IL1RAPL1: variants seen among roughly 807,000 people sequenced by gnomAD.
IL1RAPL1 encodes the protein interleukin-1 receptor accessory protein-like 1.
A neutral mutation model predicts 48.4 loss-of-function variants in IL1RAPL1; 3 were observed. That is an observed-to-expected ratio of 0.06 (90% CI 0.03 to 0.16). The LOEUF (loss-of-function observed/expected upper bound fraction) is 0.16. IL1RAPL1 is among the 10% of genes least tolerant of loss of function. The pLI, the probability that IL1RAPL1 is intolerant of heterozygous loss-of-function variation, is 1.00. For synonymous variants in IL1RAPL1, 185 were observed against 187.7 expected (o/e 0.99, Z 0.12); for missense variants, 349 against 530.6 (o/e 0.66, Z 3.36).
At chrX:29,918,505 CAAA>C (rs1186602092) in intron 7 of IL1RAPL1, among the ~76,000 whole-genome samples, 5 of 38,101 alleles carry the variant, frequency 1.3e-4, no homozygotes, top group Admixed American at 3.4e-4. Context: ...AACTCTGTCT[CAAA>C]AAAAAAAAAA....
intron 2 of IL1RAPL1, among the ~76,000 whole-genome samples, chrX:29,022,666 T>TA (rs1299849776): frequency 1.3e-4 from 15 of 111,691 alleles, no homozygotes; most frequent in African/African-American, 4.9e-4. Context: ...CATTAAAAAA[T>TA]AAAATATTTC....
chrX:28,895,597 A>C (rs1436719334), intron 2 of IL1RAPL1, among the ~76,000 whole-genome samples: 1 of 110,850 alleles, frequency 9.0e-6, no homozygotes, highest in Non-Finnish European at 1.9e-5. Context: ...GGGGATAACT[A>C]AAAAAGAGTG....
intron 1 of IL1RAPL1, among the ~76,000 whole-genome samples, chrX:28,666,845 C>T (rs939040916): frequency 9.0e-6 from 1 of 111,513 alleles, no homozygotes; most frequent in African/African-American, 3.3e-5. Flanking sequence ...TTTGTGACTT[C>T]CTTCAGTCAT....
At chrX:29,612,667 G>A (rs148738698) in intron 5 of IL1RAPL1, among the ~76,000 whole-genome samples, 8,111 of 111,317 alleles carry the variant, frequency 0.073, 271 homozygotes, top group Middle Eastern at 0.18. Flanking sequence ...AGTTTTTAGT[G>A]TGTTTCTGAG....
intron 6 of IL1RAPL1, among the ~76,000 whole-genome samples, chrX:29,841,667 G>A (rs1931138712): frequency 9.0e-6 from 1 of 111,258 alleles, no homozygotes; most frequent in Non-Finnish European, 1.9e-5. Context: ...ACTGTAATAC[G>A]GTATGTAAGA....
At chrX:29,114,669 C>A (rs970433661) in intron 2 of IL1RAPL1, among the ~76,000 whole-genome samples, 9 of 110,936 alleles carry the variant, frequency 8.1e-5, no homozygotes, top group African/African-American at 3.0e-4. Context: ...CTCTTGTTGG[C>A]CAGGCTGGAG....
rs184683680 is a variant in IL1RAPL1, at chrX:28,990,080, C to T, written c.82+200655C>T. On this transcript the variant is annotated intron_variant, in intron 2 of 10. Transcript: ENST00000378993. ...TGTGCAGAACTTACACTATAGTAAC[C>T]AAGCAAAAATCTCAAAGGGTATTCT... Among the ~76,000 whole-genome samples, 125 of 110,706 alleles carry T rather than the reference C, an allele frequency of 1.1e-3. 2 individuals are homozygous for T. Among genetic ancestry groups the T allele is most frequent in the African/African-American group, 3.9e-3 (119 of 30,470 alleles).
chrX:28,677,030 T>C (rs1444645055), intron 1 of IL1RAPL1, among the ~76,000 whole-genome samples: 1 of 111,748 alleles, frequency 8.9e-6, no homozygotes, highest in Non-Finnish European at 1.9e-5. Context: ...AAAAGAATAG[T>C]TCTGTTATGA....
intron 2 of IL1RAPL1, among the ~76,000 whole-genome samples, chrX:29,270,689 G>A (rs1396799848): frequency 1.8e-5 from 2 of 112,004 alleles, no homozygotes; most frequent in African/African-American, 6.5e-5. Context: ...TATGGTAACT[G>A]TGATAAATCT....
intron 1 of IL1RAPL1, among the ~76,000 whole-genome samples, chrX:28,654,404 A>C (rs1934727097): frequency 9.0e-6 from 1 of 111,157 alleles, no homozygotes; most frequent in African/African-American, 3.3e-5. Context: ...AATAAAAAAA[A>C]CCTCTCCAAT....
At chrX:29,757,729 GA>G (rs1184207967) in intron 6 of IL1RAPL1, among the ~76,000 whole-genome samples, 3 of 110,847 alleles carry the variant, frequency 2.7e-5, no homozygotes, top group Non-Finnish European at 3.8e-5. Context: ...GAGTCAATTA[GA>G]AAAAAAATAT....
At chrX:29,486,457 A>G (rs914269247) in intron 5 of IL1RAPL1, among the ~76,000 whole-genome samples, 2 of 109,939 alleles carry the variant, frequency 1.8e-5, no homozygotes, top group African/African-American at 6.6e-5. Flanking sequence ...TGACTATATA[A>G]CTGCCACTTC....
chrX:29,057,025 A>C (rs1389497364), intron 2 of IL1RAPL1, among the ~76,000 whole-genome samples: 1 of 112,044 alleles, frequency 8.9e-6, no homozygotes, highest in Non-Finnish European at 1.9e-5. Flanking sequence ...GAACCTCCAA[A>C]ATTATACCCG....
chrX:29,859,718 T>C (rs1045914665), intron 6 of IL1RAPL1, among the ~76,000 whole-genome samples: 7 of 112,359 alleles, frequency 6.2e-5, no homozygotes, highest in African/African-American at 2.3e-4. Flanking sequence ...AGATATTCTA[T>C]ACAAAATGAG....
At chrX:28,979,601 G>A (rs1245410969) in intron 2 of IL1RAPL1, among the ~76,000 whole-genome samples, 1 of 111,420 alleles carries the variant, frequency 9.0e-6, no homozygotes, top group Non-Finnish European at 1.9e-5. Context: ...TGCTTCTCTA[G>A]CTCTCCCTTT....
At chrX:29,203,718 T>C (rs1460898038) in intron 2 of IL1RAPL1, among the ~76,000 whole-genome samples, 4 of 80,700 alleles carry the variant, frequency 5.0e-5, no homozygotes, top group Non-Finnish European at 8.7e-5. Context: ...AAACTCCGTC[T>C]CAAAATATAT....
rs145327020 is a variant in IL1RAPL1 at position 29,944,989 on chromosome X, C to T, written c.1201+3195C>T. Among the ~76,000 whole-genome samples the T allele has an allele frequency of 9.2e-3, 1,020 of 111,345 alleles. 9 individuals carry two copies. Among genetic ancestry groups the T allele is most frequent in the African/African-American group, 0.031 (943 of 30,625 alleles). Reference sequence around the variant, plus strand: ...AGTAATCATCTTCTTCATCCTTTGCCTCTTTCATATACGGTTTCCACATTG... The same window carrying T: ...AGTAATCATCTTCTTCATCCTTTGCTTCTTTCATATACGGTTTCCACATTG... On this transcript the variant is annotated intron_variant, in intron 9 of 10. Coordinates refer to ENST00000378993, the MANE Select transcript of IL1RAPL1 (RefSeq NM_014271.4).
chrX:28,699,352 T>C (rs944377727), intron 1 of IL1RAPL1, among the ~76,000 whole-genome samples: 17 of 112,231 alleles, frequency 1.5e-4, no homozygotes, highest in Non-Finnish European at 1.5e-4. Context: ...TAGGTGTGTC[T>C]GCTGCCGTTT....
At chrX:29,095,550 A>G (rs770982724) in intron 2 of IL1RAPL1, among the ~76,000 whole-genome samples, 17 of 111,912 alleles carry the variant, frequency 1.5e-4, no homozygotes, top group Non-Finnish European at 3.0e-4. Context: ...TGACTGACAC[A>G]TGGTAAACTC....
Sources: gnomAD v4.1 joint callset for allele counts (sites outside exome capture counted in the v4.1 genomes callset) on GRCh38, gnomAD v4.1.1 for gene constraint, MANE v1.5 for transcripts, NCBI Gene and HGNC (gene_info 2026-07-23, HGNC 2026-07-21) for gene names.